Variants in PCNX2 observed in about 807,000 individuals in gnomAD.
PCNX2 encodes pecanex-like protein 2.
PCNX2 carries 168 observed loss-of-function variants against 223.8 expected under a neutral mutation model. That is an observed-to-expected ratio of 0.75 (90% CI 0.66 to 0.85). PCNX2 has a LOEUF of 0.85. Ranked by LOEUF, PCNX2 falls within the 40% of genes least tolerant of loss-of-function variation. The probability of loss-of-function intolerance (pLI) is 0.00; values close to 1 mark genes in which losing one functional copy is unlikely to be tolerated. For synonymous variants in PCNX2, 1,006 were observed against 1,052.6 expected, an observed-to-expected ratio of 0.96 and a Z score of 0.86; for missense variants, 2,507 against 2,675.5, an observed-to-expected ratio of 0.94 and a Z score of 1.39.
intron 31 of PCNX2, among the ~76,000 whole-genome samples, 185 bp from the exon 32 acceptor site, chr1:232,998,623 C>T (rs962060391): frequency 3.9e-5 from 6 of 152,188 alleles, no homozygotes; most frequent in African/African-American, 1.4e-4. Flanking sequence ...AATGAACAGA[C>T]TGCACCAGGA....
At chr1:233,279,389 T>G (rs199514687) in intron 1 of PCNX2, among the ~76,000 whole-genome samples, 15 of 142,674 alleles carry the variant, frequency 1.1e-4, no homozygotes, top group Admixed American at 5.7e-4. Flanking sequence ...TAATTTGTGT[T>G]TGTGTGTGTG....
intron 22 of PCNX2, among the ~76,000 whole-genome samples, chr1:233,093,016 G>A (rs544212805): frequency 1.6e-4 from 25 of 152,204 alleles, no homozygotes; most frequent in South Asian, 4.1e-4. Context: ...AGCCAGGATG[G>A]TCTCAATCTC....
intron 25 of PCNX2, among the ~76,000 whole-genome samples, chr1:233,033,410 C>G (rs550191478): frequency 9.2e-5 from 14 of 152,116 alleles, no homozygotes; most frequent in Non-Finnish European, 1.8e-4. Flanking sequence ...TAAAAGTGAT[C>G]CACAGATTTC....
chr1:233,135,134 C>T lies in PCNX2; in HGVS notation c.3716G>A (p.Cys1239Tyr). ...GTTAATAAACTGGTAAACCGGGTTG[C>T]AGAATGATGTCCGCAACAGCTTCAT... ...AGMKLLRTSF[C>Y]NPVYQFINLS... Residue 1239 changes from cysteine to tyrosine, a missense_variant, in exon 21 of 34, where the codon TGC becomes TAC. Around this residue, in one of 3 missense-constraint regions of PCNX2, gnomAD observed 1,372 missense variants for 1,509.4 expected, o/e 0.91. Coordinates refer to ENST00000258229, the MANE Select transcript of PCNX2 (RefSeq NM_014801.4). The T allele has an allele frequency of 6.2e-7, 1 of 1,613,832 alleles. No individual in the cohort carries two copies. Among genetic ancestry groups the T allele is most frequent in the Non-Finnish European group, 8.5e-7 (1 of 1,179,800 alleles).
At chr1:233,287,880 T>C (rs1403848656) in intron 1 of PCNX2, among the ~76,000 whole-genome samples, 1 of 152,170 alleles carries the variant, frequency 6.6e-6, no homozygotes, top group Non-Finnish European at 1.5e-5. Flanking sequence ...TGGGGCACTA[T>C]GAAGGTGAGA....
intron 22 of PCNX2, among the ~76,000 whole-genome samples, chr1:233,094,465 A>G (rs1414544036): frequency 6.6e-6 from 1 of 152,214 alleles, no homozygotes; most frequent in African/African-American, 2.4e-5. Flanking sequence ...TGTTCTGCCA[A>G]ATGACCTTGA....
At chr1:233,225,110 T>TAAAAAAA (rs71173259) in intron 10 of PCNX2, among the ~76,000 whole-genome samples, 1 of 42,216 alleles carries the variant, frequency 2.4e-5, no homozygotes, top group Non-Finnish European at 4.4e-5. Flanking sequence ...AGAACTAAAG[T>TAAAAAAA]AAAAAAAAAA....
At position 232,998,380 on chromosome 1, in the gene PCNX2, C is replaced by A; in HGVS notation, c.5662G>T (p.Gly1888Ter). ...CCACCTGTCGTCGGGGCCCCTCCTC[C>A]GTCCACGTCTTCAATGTTGCCGCCA... is the stretch of plus-strand genomic sequence containing the variant. ...HSGGNIEDVD[G>*]GGAPTTGGNN... Residue 1888 changes from glycine (G) to a stop codon, truncating the protein, a stop_gained, in exon 32 of 34, where the codon GGA (glycine) becomes TGA (stop). Coordinates refer to ENST00000258229, the MANE Select transcript of PCNX2 (RefSeq NM_014801.4). LOFTEE classifies it high-confidence loss of function. 2 of 1,613,154 alleles carry A rather than the reference C, an allele frequency of 1.2e-6. No individual in the cohort carries two copies. The highest frequency in any genetic ancestry group is 1.1e-5 in the South Asian group (1 of 90,882).
chr1:233,006,844 T>C (rs1222374851), intron 28 of PCNX2, among the ~76,000 whole-genome samples: 3 of 152,186 alleles, frequency 2.0e-5, no homozygotes, highest in Non-Finnish European at 4.4e-5. Context: ...ATTTGCAGGC[T>C]GGGTGTCCCA....
At chr1:233,216,490 G>A (rs1352907550) in intron 12 of PCNX2, among the ~76,000 whole-genome samples, 2 of 152,166 alleles carry the variant, frequency 1.3e-5, no homozygotes, top group African/African-American at 4.8e-5. Context: ...AAACCACAAT[G>A]AGCTATTACC....
chr1:233,130,522 T>C (rs1370240329), intron 21 of PCNX2, among the ~76,000 whole-genome samples: 2 of 150,844 alleles, frequency 1.3e-5, no homozygotes, highest in African/African-American at 4.9e-5. Flanking sequence ...TCTTGCCTTG[T>C]TGCCCAGGCT....
At chr1:233,252,596 ATG>A in intron 6 of PCNX2, 43 bp downstream of exon 6, 1 of 1,597,934 alleles carries the variant, frequency 6.3e-7, no homozygotes, top group Non-Finnish European at 8.5e-7. Context: ...AGGCTGTCTC[ATG>A]CTTTATGACC....
At chr1:233,127,699 A>C (rs2251011) in intron 21 of PCNX2, among the ~76,000 whole-genome samples, 149,555 of 152,260 alleles carry the variant, frequency 0.98, 73,472 homozygotes, top group East Asian at 1. Context: ...TTCTGTGCCT[A>C]GTTTTCTCAC....
Position 233,139,565 on chromosome 1 carries a change from T to C in PCNX2, c.3659+149A>G. 1 of 933,356 alleles carries C rather than the reference T, an allele frequency of 1.1e-6. No homozygotes were observed. The highest frequency in any genetic ancestry group is 1.6e-6 in the Non-Finnish European group (1 of 633,930). 57.8% of individuals were successfully genotyped at this position (933,356 alleles called of 1,614,324 possible). On this transcript the variant is annotated intron_variant, in intron 20 of 33. Transcript: ENST00000258229. This position sits in a 1 kb window ranked among gnomAD's most constrained non-coding sequence, Gnocchi z 4.4. Reference sequence around the variant, plus strand: ...ACAATAACTGTCTAGCTCCAGTGGGTTTTGAGTAAAAGACCACCATGGCTT... The same window carrying C: ...ACAATAACTGTCTAGCTCCAGTGGGCTTTGAGTAAAAGACCACCATGGCTT...
At position 233,256,849 on chromosome 1, in the gene PCNX2, A is replaced by G. The variant is rs114457171; in HGVS notation, c.1834+1179T>C. Among the ~76,000 whole-genome samples, 1,131 of 152,320 alleles carry G rather than the reference A, an allele frequency of 7.4e-3. 7 individuals are homozygous for G. Among genetic ancestry groups the G allele is most frequent in the South Asian group, 0.023 (109 of 4,822 alleles). The stretch of plus-strand genomic sequence containing the variant: ...AACTGAATCAGAAAAAATTGCTCAG[A>G]GCAACCAGTATGGAGCCAGAGGAGC... On this transcript the variant is annotated intron_variant, in intron 5 of 33. Transcript: ENST00000258229.
intron 28 of PCNX2, among the ~76,000 whole-genome samples, chr1:233,008,111 T>C (rs140919761): frequency 4.4e-4 from 67 of 152,286 alleles, no homozygotes; most frequent in African/African-American, 1.6e-3. Flanking sequence ...ACCCTCCTAA[T>C]TGGTATGTAT....
intron 7 of PCNX2, 169 bp from the exon 8 acceptor site, chr1:233,251,001 A>C: frequency 2.8e-6 from 1 of 360,018 alleles, no homozygotes; most frequent in Non-Finnish European, 3.9e-6. Context: ...ATATCATGAG[A>C]AGTTGAAGGA....
In PCNX2 at chr1:233,000,365, A is replaced by G. The variant is rs2102795697; in HGVS notation, c.5268T>C (p.Gly1756=). 1 of 1,613,620 alleles carries G rather than the reference A, an allele frequency of 6.2e-7. No individual in the cohort carries two copies. The highest frequency in any genetic ancestry group is 1.3e-5 in the African/African-American group (1 of 75,026). The change falls in exon 30 of 34, where the codon GGT becomes GGC. Residue 1756 remains glycine (G), a synonymous_variant. Coordinates refer to ENST00000258229, the MANE Select transcript of PCNX2 (RefSeq NM_014801.4). The surrounding 1 kb of genome is among the most constrained non-coding windows in gnomAD (Gnocchi z 4.6). ...GCATGATGACCTTGTACTCGTCGGC[A>G]CCCTCGTCCACCACGTGCCGCAGGG... is the stretch of plus-strand genomic sequence containing the variant. ...LLTLRHVVDE[G]ADEYKVIMLH...
chr1:233,230,999 T>C (rs1007148700), intron 9 of PCNX2, among the ~76,000 whole-genome samples: 1 of 152,178 alleles, frequency 6.6e-6, no homozygotes, highest in African/African-American at 2.4e-5. Context: ...ATATTAGTAA[T>C]TGCCACCAAC....
Sources: gnomAD v4.1 joint callset for allele counts (sites outside exome capture counted in the v4.1 genomes callset) on GRCh38, gnomAD v4.1.1 for gene constraint, gnomAD v4.1.1 regional missense constraint, Gnocchi (gnomAD v3.1) non-coding constraint, MANE v1.5 for transcripts, NCBI Gene and HGNC (gene_info 2026-07-23, HGNC 2026-07-21) for gene names.